GMIP: variants seen among roughly 807,000 people sequenced by gnomAD.
The protein encoded by GMIP is GEM interacting protein, also known as GEM-interacting protein.
GMIP carries 54 observed loss-of-function variants against 105.3 expected under a neutral mutation model. The ratio of observed to expected loss-of-function variants is 0.51; its 90% CI spans 0.41 to 0.64. The LOEUF (loss-of-function observed/expected upper bound fraction) is 0.64. Ranked by LOEUF, GMIP falls within the 30% of genes least tolerant of loss-of-function variation. The pLI is 0.00. For synonymous variants in GMIP, 541 were observed against 560.8 expected (o/e 0.96, Z 0.50); for missense variants, 1,110 against 1,319.4 (o/e 0.84, Z 2.46).
chr19:19,633,920 T>C lies in GMIP; in HGVS notation c.2355A>G (p.Gln785=), dbSNP rs557301043. Residue 785 remains glutamine, a synonymous_variant, in exon 19 of 21, where the codon CAA becomes CAG. Coordinates refer to ENST00000203556, the MANE Select transcript of GMIP (RefSeq NM_016573.4). Reference sequence around the variant, plus strand: ...CTGGGTCAAGGTGCGGGGGTGGCGGTTGGGAGCTGGTTGTGAGGGGCCCAG... The same window carrying C: ...CTGGGTCAAGGTGCGGGGGTGGCGGCTGGGAGCTGGTTGTGAGGGGCCCAG... The part of the protein sequence containing the change: ...PAPGPLTTSS[Q]PPPPHLDPDS... 31 of 1,530,668 alleles carry C rather than the reference T, an allele frequency of 2.0e-5. No homozygotes were observed. Among genetic ancestry groups the C allele is most frequent in the South Asian group, 2.4e-5 (2 of 82,498 alleles). 94.8% of individuals were successfully genotyped at this position (1,530,668 alleles called of 1,614,324 possible).
Position 19,634,176 on chromosome 19 carries a change from A to T in GMIP, c.2099T>A (p.Phe700Tyr). 6.3e-7 allele frequency: 1 copy of T among 1,599,414 alleles called. No homozygotes were observed. The highest frequency in any genetic ancestry group is 8.5e-7 in the Non-Finnish European group (1 of 1,170,638). ...GTTGGCAGACATCTTGTTTTCCATA[A>T]ATCGTGCAGCCACCCTGGGGATGGT... Reference protein sequence around the residue: ...VAHLFRVAARFMENKMSANNL... With the variant: ...VAHLFRVAARYMENKMSANNL... The change falls in exon 19 of 21, where the codon TTT (phenylalanine) becomes TAT (tyrosine). Residue 700 changes from phenylalanine (F) to tyrosine (Y), a missense_variant. Coordinates refer to ENST00000203556, the MANE Select transcript of GMIP (RefSeq NM_016573.4). This position sits in a 1 kb window ranked among gnomAD's most constrained non-coding sequence, Gnocchi z 6.1.
intron 19 of GMIP, among the ~76,000 whole-genome samples, chr19:19,633,190 C>T (rs2061814050): frequency 6.6e-6 from 1 of 151,894 alleles, no homozygotes; most frequent in African/African-American, 2.4e-5. Context: ...TCCTGAGTAG[C>T]TGGGATTACA....
chr19:19,638,373 C>T, intron 8 of GMIP, 29 bp downstream of exon 8: 1 of 1,614,108 alleles, frequency 6.2e-7, no homozygotes, highest in Non-Finnish European at 8.5e-7. Flanking sequence ...TCTCTCTCAC[C>T]CTACCCTTCC....
At chr19:19,638,778 CTTTTTT>C (rs554304896) in intron 7 of GMIP, among the ~76,000 whole-genome samples, 1 of 132,290 alleles carries the variant, frequency 7.6e-6, no homozygotes, top group Non-Finnish European at 1.7e-5. Flanking sequence ...ACAATTTCTT[CTTTTTT>C]TTTTTTTTTT....
In GMIP at chr19:19,637,463, G is replaced by C; in HGVS notation, c.1026C>G (p.Gly342=). 1 of 1,532,508 alleles carries C rather than the reference G, an allele frequency of 6.5e-7. No individual in the cohort carries two copies. Among genetic ancestry groups the C allele is most frequent in the Non-Finnish European group, 8.8e-7 (1 of 1,141,306 alleles). The allele number at this position is 1,532,508 out of a possible 1,614,324, so 94.9% of individuals were successfully genotyped here. ...LAECCAPFEP[G]QRYQEFVRAL... is the part of the protein sequence containing the mutation. ...CCCGTACAAACTCCTGGTAGCGCTG[G>C]CCCGGCTCAAAGGGCGCACAGCACT... is the stretch of plus-strand genomic sequence containing the variant. The change falls in exon 11 of 21, where the codon GGC becomes GGG. Residue 342 remains glycine (G), a synonymous_variant. Transcript: ENST00000203556. The surrounding 1 kb of genome is among the most constrained non-coding windows in gnomAD (Gnocchi z 6.7).
At chr19:19,643,447 T>A in intron 1 of GMIP, 64 bp downstream of exon 1, 2 of 1,400,174 alleles carry the variant, frequency 1.4e-6, no homozygotes, top group Non-Finnish European at 2.0e-6. Flanking sequence ...GACAAGTGTG[T>A]GCCCTCAATG....
At position 19,638,139 on chromosome 19, in the gene GMIP, G is replaced by T; in HGVS notation, c.789+20C>A. On this transcript the variant is annotated intron_variant, in intron 9 of 20. Transcript: ENST00000203556. Reference sequence around the variant, plus strand: ...CAGGGGGCGCCACAGCGCTACAGGGGCTCGGGGCCGGGTGCCCACCTTGGC... The same window carrying T: ...CAGGGGGCGCCACAGCGCTACAGGGTCTCGGGGCCGGGTGCCCACCTTGGC... The T allele has an allele frequency of 6.4e-7, 1 of 1,573,368 alleles. No individual in the cohort carries two copies. Among genetic ancestry groups the T allele is most frequent in the Non-Finnish European group, 8.6e-7 (1 of 1,168,078 alleles).
chr19:19,637,457 G>T lies in GMIP; in HGVS notation c.1032C>A (p.Arg344=), dbSNP rs2144857738. ...GCAGCGCCCGTACAAACTCCTGGTA[G>T]CGCTGGCCCGGCTCAAAGGGCGCAC... is the stretch of plus-strand genomic sequence containing the variant. ...ECCAPFEPGQ[R]YQEFVRALRP... The change falls in exon 11 of 21, where the codon CGC becomes CGA. Residue 344 remains arginine, a synonymous_variant. Coordinates refer to ENST00000203556, the MANE Select transcript of GMIP (RefSeq NM_016573.4). This position sits in a 1 kb window ranked among gnomAD's most constrained non-coding sequence, Gnocchi z 6.7. The T allele has an allele frequency of 3.3e-6, 5 of 1,530,606 alleles. No individual in the cohort carries two copies. In the African/African-American group the frequency reaches 7.0e-5, roughly 22 times the overall value. The allele number at this position is 1,530,606 out of a possible 1,614,324, so 94.8% of individuals were successfully genotyped here.
rs1001605626 is a variant in GMIP at position 19,642,700 on chromosome 19, G to A, written c.20-81C>T. On this transcript the variant is annotated intron_variant, in intron 1 of 20. Transcript: ENST00000203556. The stretch of plus-strand genomic sequence containing the variant: ...ACCTCAACCAGTCTCATTTGGAGGG[G>A]GTGGAAGAGAAAGGGAAGAGTGAGA... 3 of 647,706 alleles carry A rather than the reference G, an allele frequency of 4.6e-6. No individual in the cohort carries two copies. The East Asian group carries it at 8.0e-5, about 17-fold the overall frequency. 40.1% of individuals were successfully genotyped at this position (647,706 alleles called of 1,614,324 possible). A position where few individuals can be genotyped will look rare whatever the true frequency, so the allele number is the denominator to read the frequency against.
chr19:19,642,466 A>C, intron 2 of GMIP, 69 bp downstream of exon 2: 1 of 915,012 alleles, frequency 1.1e-6, no homozygotes, highest in Non-Finnish European at 1.8e-6. Context: ...TGGGACTGCA[A>C]GGCACCTAAA....
chr19:19,630,547 G>C lies in GMIP; in HGVS notation c.2473-10C>G, dbSNP rs909955869. Reference sequence around the variant, plus strand: ...TCTGTGGAGTTGGAATCTGCAGGGAGAAACCCAAGAATGAGACCCCAACAC... The same window carrying C: ...TCTGTGGAGTTGGAATCTGCAGGGACAAACCCAAGAATGAGACCCCAACAC... On this transcript the variant is annotated splice_polypyrimidine_tract_variant and intron_variant, in intron 19 of 20. Transcript: ENST00000203556. This position sits in a 1 kb window ranked among gnomAD's most constrained non-coding sequence, Gnocchi z 4.8. 33 of 1,611,196 alleles carry C rather than the reference G, an allele frequency of 2.0e-5. No individual in the cohort carries two copies. The highest frequency in any genetic ancestry group is 2.6e-5 in the Non-Finnish European group (31 of 1,177,340).
intron 4 of GMIP, 91 bp downstream of exon 4, chr19:19,641,719 G>T (rs1255861324): frequency 3.1e-6 from 3 of 953,074 alleles, no homozygotes; most frequent in South Asian, 1.4e-5. Flanking sequence ...AAACCTAAAC[G>T]ATGCCTTGCA....
At position 19,633,909 on chromosome 19, in the gene GMIP, G is replaced by T; in HGVS notation, c.2366C>A (p.Pro789Gln). The change falls in exon 19 of 21, where the codon CCG becomes CAG. Residue 789 changes from proline (P) to glutamine (Q), a missense_variant. By Grantham distance (76) the Pro-to-Gln change is moderately conservative. Coordinates refer to ENST00000203556, the MANE Select transcript of GMIP (RefSeq NM_016573.4). The stretch of plus-strand genomic sequence containing the variant: ...GGGCTGGGAGTCTGGGTCAAGGTGC[G>T]GGGGTGGCGGTTGGGAGCTGGTTGT... ...PLTTSSQPPP[P>Q]HLDPDSQPPV... 1 of 1,532,366 alleles carries T rather than the reference G, an allele frequency of 6.5e-7. No individual in the cohort carries two copies. The highest frequency in any genetic ancestry group is 1.2e-5 in the South Asian group (1 of 80,690). 94.9% of individuals were successfully genotyped at this position (1,532,366 alleles called of 1,614,324 possible). A position where few individuals can be genotyped will look rare whatever the true frequency, so the allele number is the denominator to read the frequency against.
intron 1 of GMIP, among the ~76,000 whole-genome samples, 199 bp from the exon 2 acceptor site, chr19:19,642,818 C>G (rs1043479081): frequency 6.6e-6 from 1 of 151,948 alleles, no homozygotes; most frequent in Admixed American, 6.6e-5. Flanking sequence ...GACAGCTGCT[C>G]GGGGAACAGA....
intron 19 of GMIP, among the ~76,000 whole-genome samples, chr19:19,632,754 T>G (rs1249548379): frequency 1.3e-5 from 2 of 152,188 alleles, no homozygotes; most frequent in African/African-American, 4.8e-5. Context: ...TCAGGATAGC[T>G]GGCAGAGCCA....
rs2144871413 is a variant in GMIP, at chr19:19,640,542, T to A, written c.268A>T (p.Thr90Ser). ...GEELDLRLIRTKGGVDAALEY... is the reference protein window; with the variant it reads ...GEELDLRLIRSKGGVDAALEY... ...AGGGCTGCGTCCACACCCCCCTTTGTCCGAATGAGCCGCAAGTCCAGTTCC... is the reference window on the plus strand; with the variant it reads ...AGGGCTGCGTCCACACCCCCCTTTGACCGAATGAGCCGCAAGTCCAGTTCC... The change falls in exon 5 of 21, where the codon ACA becomes TCA. Residue 90 changes from threonine to serine, a missense_variant. This residue lies in a region of GMIP where 667 missense variants were observed against 773.2 expected (regional missense o/e 0.86). Coordinates refer to ENST00000203556, the MANE Select transcript of GMIP (RefSeq NM_016573.4). 6.2e-7 allele frequency: 1 copy of A among 1,613,892 alleles called. No individual in the cohort carries two copies. The highest frequency in any genetic ancestry group is 1.7e-4 in the Middle Eastern group (1 of 6,058).
Position 19,640,364 on chromosome 19 carries a change from G to A in GMIP, c.365-4C>T. On this transcript the variant is annotated splice_region_variant and splice_polypyrimidine_tract_variant and intron_variant, in intron 5 of 20. Transcript: ENST00000203556. The stretch of plus-strand genomic sequence containing the variant: ...GTGCTCTTAGCAAACTCCAGCTCTG[G>A]GGGAAGAGAGAGCCGGGCTCTGGGT... The A allele has an allele frequency of 6.2e-7, 1 of 1,614,016 alleles. No homozygotes were observed. Among genetic ancestry groups the A allele is most frequent in the Admixed American group, 1.7e-5 (1 of 60,000 alleles).
At position 19,629,930 on chromosome 19, in the gene GMIP, T is replaced by C; in HGVS notation, c.*33A>G. ...GATATATGGGTCCGTCTTCACAATC[T>C]GGGCCTCTTCCTTATTTAAGGTGCC... On this transcript the variant is annotated 3_prime_UTR_variant, in exon 21 of 21. Transcript: ENST00000203556. 6.3e-7 allele frequency: 1 copy of C among 1,590,654 alleles called. No homozygotes were observed. The highest frequency in any genetic ancestry group is 8.5e-7 in the Non-Finnish European group (1 of 1,170,270).
Position 19,631,942 on chromosome 19 carries a change from G to T in GMIP, c.2473-1405C>A, listed in dbSNP as rs11879838. ...GGCAGAGCTTGCAGTGAGCCAAGATGGCACCACTGCACTCTAGCCTGGGTG... is the reference window on the plus strand; with the variant it reads ...GGCAGAGCTTGCAGTGAGCCAAGATTGCACCACTGCACTCTAGCCTGGGTG... On this transcript the variant is annotated intron_variant, in intron 19 of 20. Coordinates refer to ENST00000203556, the MANE Select transcript of GMIP (RefSeq NM_016573.4). Among the ~76,000 whole-genome samples the T allele has an allele frequency of 1.7e-4, 25 of 149,864 alleles. No individual in the cohort carries two copies. In the South Asian group the frequency reaches 4.7e-3, roughly 28 times the overall value.
Sources: gnomAD v4.1 joint callset for allele counts (sites outside exome capture counted in the v4.1 genomes callset) on GRCh38, gnomAD v4.1.1 for gene constraint, gnomAD v4.1.1 regional missense constraint, Gnocchi (gnomAD v3.1) non-coding constraint, MANE v1.5 for transcripts, NCBI Gene and HGNC (gene_info 2026-07-23, HGNC 2026-07-21) for gene names.